RCAN2: variants seen among roughly 807,000 people sequenced by gnomAD.
RCAN2 encodes regulator of calcineurin 2, also known as calcipressin-2.
In RCAN2, 9 loss-of-function variants were observed where a neutral mutation model predicts 23.6. The ratio of observed to expected loss-of-function variants is 0.38; its 90% CI spans 0.23 to 0.67. The LOEUF (loss-of-function observed/expected upper bound fraction) is 0.67. Ranked by LOEUF, RCAN2 falls within the 30% of genes least tolerant of loss-of-function variation. The pLI, the probability that RCAN2 is intolerant of heterozygous loss-of-function variation, is 0.51. For missense variants in RCAN2, 273 were observed against 302.3 expected, an observed-to-expected ratio of 0.90 and a Z score of 0.72; for synonymous variants, 109 against 115.7, an observed-to-expected ratio of 0.94 and a Z score of 0.37.
intron 2 of RCAN2, among the ~76,000 whole-genome samples, chr6:46,291,266 G>A (rs1368685967): frequency 7.1e-6 from 1 of 141,538 alleles, no homozygotes; most frequent in African/African-American, 2.7e-5. Context: ...GAATTTAAAT[G>A]TTAATTCGCC....
intron 2 of RCAN2, among the ~76,000 whole-genome samples, chr6:46,448,492 C>A (rs1767778045): frequency 6.6e-6 from 1 of 151,726 alleles, no homozygotes; most frequent in African/African-American, 2.4e-5. Flanking sequence ...GTCAGTATTA[C>A]CCTGATACCA....
intron 2 of RCAN2, among the ~76,000 whole-genome samples, chr6:46,307,016 G>A (rs979949360): frequency 1.3e-5 from 2 of 152,072 alleles, no homozygotes; most frequent in Non-Finnish European, 2.9e-5. Flanking sequence ...TTCAGTAAAC[G>A]CTTATTGAAT....
intron 2 of RCAN2, among the ~76,000 whole-genome samples, chr6:46,303,002 G>A (rs1444796624): frequency 1.3e-5 from 2 of 151,934 alleles, no homozygotes. Context: ...TTGGAGGCAG[G>A]TTTTCTCTGA....
intron 2 of RCAN2, among the ~76,000 whole-genome samples, chr6:46,441,359 T>C (rs1165938476): frequency 6.6e-6 from 1 of 152,196 alleles, no homozygotes; most frequent in Non-Finnish European, 1.5e-5. Flanking sequence ...ACCCACATCA[T>C]GTCTAGAGAG....
chr6:46,316,323 G>A (rs1763436671), intron 2 of RCAN2, among the ~76,000 whole-genome samples: 1 of 152,210 alleles, frequency 6.6e-6, no homozygotes, highest in Non-Finnish European at 1.5e-5. Context: ...ACCAACCTAT[G>A]AGGTAAGCAG....
At chr6:46,292,814 C>T (rs1762610677) in intron 2 of RCAN2, among the ~76,000 whole-genome samples, 1 of 152,036 alleles carries the variant, frequency 6.6e-6, no homozygotes, top group Non-Finnish European at 1.5e-5. Context: ...TGGTGGTTTG[C>T]TGCACACATC....
intron 2 of RCAN2, among the ~76,000 whole-genome samples, chr6:46,402,888 T>C (rs1214012316): frequency 6.6e-6 from 1 of 152,162 alleles, no homozygotes; most frequent in Non-Finnish European, 1.5e-5. Context: ...CTTTCTGAGG[T>C]GATACTTCAG....
chr6:46,240,323 C>A (rs1766260957), intron 4 of RCAN2, among the ~76,000 whole-genome samples: 2 of 151,982 alleles, frequency 1.3e-5, no homozygotes, highest in Admixed American at 6.5e-5. Flanking sequence ...GGTCATATGT[C>A]TTCTGTTTTT....
chr6:46,450,109 AAAAC>A, intron 2 of RCAN2, among the ~76,000 whole-genome samples: 1 of 152,076 alleles, frequency 6.6e-6, no homozygotes, highest in East Asian at 1.9e-4. Context: ...CAACTGCAAA[AAAAC>A]AAATAACCTG....
At position 46,386,427 on chromosome 6, in the gene RCAN2, C is replaced by T. The variant is rs1340956428; in HGVS notation, c.225+70325G>A. On this transcript the variant is annotated intron_variant, in intron 2 of 4. Transcript: ENST00000371374. ...AAGCCTGGCCAACATGGCAAAACCC[C>T]GTCTCTACTAAAAATACAAAAAAAA... Among the ~76,000 whole-genome samples the T allele has an allele frequency of 3.4e-4, 51 of 150,562 alleles. 1 individual carries two copies. Among genetic ancestry groups the T allele is most frequent in the South Asian group, 2.1e-4 (1 of 4,716 alleles).
At chr6:46,357,623 A>G (rs1369131911) in intron 2 of RCAN2, among the ~76,000 whole-genome samples, 1 of 152,212 alleles carries the variant, frequency 6.6e-6, no homozygotes, top group African/African-American at 2.4e-5. Context: ...ATTATTCTCA[A>G]TAACTTTATG....
intron 4 of RCAN2, among the ~76,000 whole-genome samples, chr6:46,241,960 T>C (rs1205295532): frequency 1.3e-5 from 2 of 152,232 alleles, no homozygotes; most frequent in Non-Finnish European, 2.9e-5. Flanking sequence ...TTACTTACTC[T>C]CTGGATCAAA....
Sources: gnomAD v4.1 joint callset for allele counts (sites outside exome capture counted in the v4.1 genomes callset) on GRCh38, gnomAD v4.1.1 for gene constraint, MANE v1.5 for transcripts, NCBI Gene and HGNC (gene_info 2026-07-23, HGNC 2026-07-21) for gene names.